UNC93A: variants seen among roughly 807,000 people sequenced by gnomAD.
UNC93A encodes the protein N-acetylglucosamine transporter UNC93A.
A neutral mutation model predicts 47.5 loss-of-function variants in UNC93A; 43 were observed. The ratio of observed to expected loss-of-function variants is 0.91; its 90% CI spans 0.71 to 1.17. The LOEUF (loss-of-function observed/expected upper bound fraction) is 1.17, where lower values mean the gene tolerates loss of function less well. Among genes scored for constraint, UNC93A ranks in the 50% most tolerant of loss-of-function variants. The probability of loss-of-function intolerance (pLI) is 0.00; values close to 1 mark genes in which losing one functional copy is unlikely to be tolerated. For synonymous variants in UNC93A, 280 were observed against 258.0 expected (o/e 1.09, Z -0.82); for missense variants, 605 against 577.6 (o/e 1.05, Z -0.49).
chr6:167,283,460 T>A (rs3010558), intron 1 of UNC93A, among the ~76,000 whole-genome samples: 2 of 152,082 alleles, frequency 1.3e-5, no homozygotes, highest in South Asian at 2.1e-4. Context: ...TGGAATCCCC[T>A]TGGCTGAAAA....
At chr6:167,288,906 T>C (rs1262027044), upstream of UNC93A, among the ~76,000 whole-genome samples, 1 of 152,276 alleles carries the variant, frequency 6.6e-6, no homozygotes, top group African/African-American at 2.4e-5. Context: ...CCAGGGCATC[T>C]GTCATTTTAA....
At chr6:167,279,858 G>A (rs1292878358) in intron 1 of UNC93A, among the ~76,000 whole-genome samples, 1 of 152,200 alleles carries the variant, frequency 6.6e-6, no homozygotes, top group Admixed American at 6.5e-5. Flanking sequence ...ATAAAAGAGA[G>A]TAGGACTGCC....
At chr6:167,279,730 G>C (rs1223412628) in intron 1 of UNC93A, among the ~76,000 whole-genome samples, 1 of 152,168 alleles carries the variant, frequency 6.6e-6, no homozygotes, top group African/African-American at 2.4e-5. Flanking sequence ...CGTATATTTT[G>C]CATCAAACAG....
At chr6:167,270,684 C>A (rs528071046), upstream of UNC93A, among the ~76,000 whole-genome samples, 3 of 152,146 alleles carry the variant, frequency 2.0e-5, no homozygotes, top group Non-Finnish European at 4.4e-5. Context: ...TCCATGTGAC[C>A]AATGTCCTCA....
rs747661328 is a variant in UNC93A at position 167,294,524 on chromosome 6, T to G, written c.95T>G (p.Leu32Arg). 4.8e-5 allele frequency: 78 copies of G among 1,613,916 alleles called. No homozygotes were observed. The highest frequency in any genetic ancestry group is 6.5e-5 in the Non-Finnish European group (77 of 1,179,994). ...YGGLQSLQSSLYSEEGLGVTA... is the reference protein window; with the variant it reads ...YGGLQSLQSSRYSEEGLGVTA... The stretch of plus-strand genomic sequence containing the variant: ...CTGGCTTTGTTCCCACAGAGCAGCC[T>G]GTACAGCGAGGAGGGCCTGGGTGTC... Residue 32 changes from leucine (L) to arginine (R), a missense_variant, in exon 2 of 8, where the codon CTG becomes CGG. Coordinates refer to ENST00000230256, the MANE Select transcript of UNC93A (RefSeq NM_018974.4).
chr6:167,291,427 G>C lies in UNC93A; in HGVS notation c.-63G>C. 1.4e-6 allele frequency: 2 copies of C among 1,450,560 alleles called. No individual in the cohort carries two copies. Among genetic ancestry groups the C allele is most frequent in the Non-Finnish European group, 1.9e-6 (2 of 1,044,524 alleles). The allele number at this position is 1,450,560 out of a possible 1,614,324, so 89.9% of individuals were successfully genotyped here. On this transcript the variant is annotated 5_prime_UTR_variant, in exon 1 of 8. Transcript: ENST00000230256. The stretch of plus-strand genomic sequence containing the variant: ...TGATTGTTTTTCCCATGCCTCAATT[G>C]GTTTCTTTTAGGGAGCTACAAATTT...
chr6:167,294,801 G>T, intron 2 of UNC93A, 103 bp downstream of exon 2: 1 of 1,324,084 alleles, frequency 7.6e-7, no homozygotes, highest in South Asian at 1.4e-5. Flanking sequence ...ACTGTTCACT[G>T]CAGGCATTTT....
chr6:167,271,470 G>C (rs945667204), intron 1 of UNC93A: 15 of 152,230 alleles, frequency 9.9e-5, no homozygotes, highest in African/African-American at 3.6e-4. Flanking sequence ...TGAGATGTGG[G>C]ATGGGCTCCG....
At chr6:167,285,273 C>T (rs112292437) in intron 1 of UNC93A, among the ~76,000 whole-genome samples, 1,760 of 151,984 alleles carry the variant, frequency 0.012, 41 homozygotes, top group African/African-American at 0.041. Flanking sequence ...ATTTGTCACA[C>T]GTCTTCCCGT....
At chr6:167,282,238 G>A (rs1455654237) in intron 1 of UNC93A, among the ~76,000 whole-genome samples, 1 of 152,138 alleles carries the variant, frequency 6.6e-6, no homozygotes, top group Non-Finnish European at 1.5e-5. Context: ...TATCATTCCA[G>A]GGGGTCTAGA....
At chr6:167,288,796 A>G (rs543502909), upstream of UNC93A, among the ~76,000 whole-genome samples, 214 of 152,298 alleles carry the variant, frequency 1.4e-3, 3 homozygotes, top group Admixed American at 1.6e-3. Context: ...TGAAGAACGC[A>G]TGGCGCCTGT....
chr6:167,310,398 T>C (rs559844775), intron 7 of UNC93A, among the ~76,000 whole-genome samples: 1 of 152,296 alleles, frequency 6.6e-6, no homozygotes, highest in Non-Finnish European at 1.5e-5. Flanking sequence ...TTTCCTTATA[T>C]GGACACATGA....
chr6:167,303,753 C>G (rs901203562), intron 4 of UNC93A, among the ~76,000 whole-genome samples, 166 bp from the exon 5 acceptor site: 1 of 152,038 alleles, frequency 6.6e-6, no homozygotes, highest in African/African-American at 2.4e-5. Context: ...TCAAGTGCAA[C>G]TAGACACCTG....
In UNC93A at chr6:167,274,675, G is replaced by A. The variant is rs570991193; in HGVS notation, c.-52+3217G>A. Among the ~76,000 whole-genome samples the A allele has an allele frequency of 3.9e-5, 6 of 152,274 alleles. No homozygotes were observed. The South Asian group carries it at 8.3e-4, about 21-fold the overall frequency. ...CCAGACTCCATCACTCACCTGCTAC[G>A]TGACATGGGCACCTTCTTTAGTCTT... On this transcript the variant is annotated intron_variant, in intron 1 of 3. Transcript: ENST00000503433.
chr6:167,285,973 TATATATAC>T (rs1214384927), intron 1 of UNC93A, among the ~76,000 whole-genome samples: 26 of 150,188 alleles, frequency 1.7e-4, no homozygotes, highest in African/African-American at 5.8e-4. Flanking sequence ...TATATATATA[TATATATAC>T]ACACACACAC....
At position 167,279,145 on chromosome 6, in the gene UNC93A, T is replaced by C. The variant is rs149820272; in HGVS notation, c.-52+7687T>C. 5.4e-4 allele frequency among the ~76,000 whole-genome samples: 83 copies of C among 152,344 alleles called. No individual in the cohort carries two copies. In the Middle Eastern group the frequency reaches 0.014, roughly 25 times the overall value. ...TACTTATTAGATGTGTTAAAAAGAA[T>C]GTGTTTCAGTGGAAATCTATGGCAC... On this transcript the variant is annotated intron_variant, in intron 1 of 3. Transcript: ENST00000503433.
At chr6:167,273,324 G>A (rs1195770495) in intron 1 of UNC93A, among the ~76,000 whole-genome samples, 1 of 152,090 alleles carries the variant, frequency 6.6e-6, no homozygotes, top group African/African-American at 2.4e-5. Flanking sequence ...AGCCCACCCT[G>A]AGCTCAGGAA....
intron 6 of UNC93A, 52 bp downstream of exon 6, chr6:167,306,102 A>C: frequency 6.2e-7 from 1 of 1,607,234 alleles, no homozygotes; most frequent in Non-Finnish European, 8.5e-7. Context: ...TTGCAGTAGC[A>C]AAAGCGCACA....
At chr6:167,275,193 G>C (rs891792296) in intron 1 of UNC93A, among the ~76,000 whole-genome samples, 2 of 152,154 alleles carry the variant, frequency 1.3e-5, no homozygotes. Flanking sequence ...CTGGTTGCCT[G>C]CGAAACTCTG....
Sources: allele counts gnomAD v4.1 joint callset (sites outside exome capture counted in the v4.1 genomes callset), GRCh38; gene constraint gnomAD v4.1.1; transcripts MANE v1.5; gene names NCBI Gene and HGNC (gene_info 2026-07-23, HGNC 2026-07-21).